The following DSE variants were observed in gnomAD, a reference collection of about 807,000 sequenced individuals.
DSE encodes the protein dermatan-sulfate epimerase.
DSE carries 36 observed loss-of-function variants against 84.4 expected under a neutral mutation model. The observed-to-expected ratio is 0.43, with a 90% CI of 0.33 to 0.56. The LOEUF (loss-of-function observed/expected upper bound fraction) is 0.56. Among genes scored for constraint, DSE ranks in the 20% least tolerant of loss-of-function variants. DSE has a pLI of 0.06. For missense variants in DSE, 862 were observed against 1,169.6 expected (o/e 0.74, Z 3.84); for synonymous variants, 410 against 430.1 (o/e 0.95, Z 0.58).
chr6:116,414,607 T>G (rs1782581738), intron 2 of DSE, among the ~76,000 whole-genome samples: 1 of 152,038 alleles, frequency 6.6e-6, no homozygotes, highest in Admixed American at 6.6e-5. Context: ...AGATGGGGTT[T>G]CTGCATGTTG....
intron 2 of DSE, among the ~76,000 whole-genome samples, chr6:116,404,151 A>G (rs1738915124): frequency 1.3e-5 from 2 of 152,194 alleles, no homozygotes; most frequent in Non-Finnish European, 2.9e-5. Flanking sequence ...ATGGGTTGCT[A>G]TGAGCTTAAC....
intron 2 of DSE, among the ~76,000 whole-genome samples, chr6:116,405,644 T>C (rs1781875703): frequency 6.6e-6 from 1 of 152,252 alleles, no homozygotes; most frequent in South Asian, 2.1e-4. Context: ...TGAGGCTTTT[T>C]ACAACGATCA....
chr6:116,332,830 C>G (rs1210582805), intron 2 of DSE, among the ~76,000 whole-genome samples: 1 of 151,982 alleles, frequency 6.6e-6, no homozygotes, highest in Non-Finnish European at 1.5e-5. Context: ...CAAAGTAAAT[C>G]AATATATAAA....
intron 2 of DSE, among the ~76,000 whole-genome samples, chr6:116,266,115 C>A (rs969057550): frequency 2.3e-4 from 35 of 152,278 alleles, no homozygotes; most frequent in African/African-American, 8.2e-4. Context: ...CCAGCTTTCT[C>A]CCCTTTTAAC....
intron 2 of DSE, among the ~76,000 whole-genome samples, chr6:116,325,118 G>A (rs73767742): frequency 0.035 from 3,172 of 90,400 alleles, 130 homozygotes; most frequent in African/African-American, 0.087. Context: ...CCCGAATCAT[G>A]TCTGGTGGCA....
At chr6:116,294,305 G>T (rs1468302489) in intron 2 of DSE, among the ~76,000 whole-genome samples, 2 of 152,192 alleles carry the variant, frequency 1.3e-5, no homozygotes, top group Non-Finnish European at 2.9e-5. Flanking sequence ...TTATAGGAGT[G>T]AGCCACTGTG....
At chr6:116,385,959 C>G (rs2114960350) in intron 1 of DSE, among the ~76,000 whole-genome samples, 1 of 152,222 alleles carries the variant, frequency 6.6e-6, no homozygotes, top group African/African-American at 2.4e-5. Context: ...CCAATATATA[C>G]AATTTTTATT....
At chr6:116,300,540 T>C (rs145487764) in intron 2 of DSE, among the ~76,000 whole-genome samples, 74 of 152,366 alleles carry the variant, frequency 4.9e-4, no homozygotes, top group African/African-American at 1.8e-3. Context: ...ATGTGCTTCA[T>C]GACATATATT....
chr6:116,345,206 C>G, intron 2 of DSE, among the ~76,000 whole-genome samples: 1 of 152,174 alleles, frequency 6.6e-6, no homozygotes, highest in Non-Finnish European at 1.5e-5. Context: ...TTCGACAGAT[C>G]AATGAGATAG....
intron 2 of DSE, among the ~76,000 whole-genome samples, chr6:116,360,335 G>A (rs9481632): frequency 0.067 from 10,259 of 152,136 alleles, 1,078 homozygotes; most frequent in African/African-American, 0.23. Context: ...ATGTACCCTG[G>A]AACTTAAAAT....
Position 116,370,960 on chromosome 6 carries a change from G to C in DSE, c.-215G>C. ...GGCCCGGCTCTCAGTAGCGTCGCCC[G>C]AGGCTGCAGCAGCGCATCCCGGGGC... On this transcript the variant is annotated 5_prime_UTR_variant, in exon 1 of 6. Transcript: ENST00000644252. The C allele has an allele frequency of 1.0e-6, 1 of 985,368 alleles. No homozygotes were observed. The highest frequency in any genetic ancestry group is 1.2e-6 in the Non-Finnish European group (1 of 829,990). 61.0% of individuals were successfully genotyped at this position (985,368 alleles called of 1,614,324 possible).
At chr6:116,273,303 T>C (rs1292335415) in intron 2 of DSE, among the ~76,000 whole-genome samples, 1 of 152,056 alleles carries the variant, frequency 6.6e-6, no homozygotes, top group African/African-American at 2.4e-5. Flanking sequence ...TAAATACAAA[T>C]CCTAAAAAAA....
upstream of DSE, chr6:116,369,953 T>G (rs1481012987): frequency 7.8e-7 from 1 of 1,289,110 alleles, no homozygotes; most frequent in Non-Finnish European, 1.0e-6. Flanking sequence ...ATCTTTCACT[T>G]CTGTACAATC....
intron 1 of DSE, among the ~76,000 whole-genome samples, chr6:116,393,792 T>A (rs772010703): frequency 6.6e-6 from 1 of 152,242 alleles, no homozygotes; most frequent in Non-Finnish European, 1.5e-5. Flanking sequence ...TTTTACTCTC[T>A]ACAGGGTGAT....
Position 116,431,210 on chromosome 6 carries a change from G to A in DSE, c.910+17G>A. The A allele has an allele frequency of 6.2e-7, 1 of 1,612,910 alleles. No homozygotes were observed. Reference sequence around the variant, plus strand: ...TCCTGCCAGGTATAGTGAGGAGTCAGAAGTGTGAAAACATTAAACTATTGT... The same window carrying A: ...TCCTGCCAGGTATAGTGAGGAGTCAAAAGTGTGAAAACATTAAACTATTGT... On this transcript the variant is annotated intron_variant, in intron 4 of 5. Coordinates refer to ENST00000644252, the MANE Select transcript of DSE (RefSeq NM_013352.4).
intron 2 of DSE, chr6:116,279,844 G>C: frequency 6.2e-7 from 1 of 1,613,008 alleles, no homozygotes. Context: ...GCTAACAGTC[G>C]GACCAACCGC....
intron 2 of DSE, among the ~76,000 whole-genome samples, chr6:116,312,137 T>A (rs1437859348): frequency 6.6e-6 from 1 of 151,996 alleles, no homozygotes; most frequent in Non-Finnish European, 1.5e-5. Flanking sequence ...AAGCTATGAT[T>A]TTGCAAAAGA....
chr6:116,352,366 TG>T (rs1468873542), intron 2 of DSE, among the ~76,000 whole-genome samples: 1 of 152,174 alleles, frequency 6.6e-6, no homozygotes, highest in Non-Finnish European at 1.5e-5. Context: ...TTTTTTCTCT[TG>T]ATCACAAGGG....
chr6:116,430,287 C>T (rs1035816631), intron 3 of DSE, among the ~76,000 whole-genome samples: 13 of 152,074 alleles, frequency 8.5e-5, no homozygotes, highest in African/African-American at 3.1e-4. Context: ...GAAGACTGTC[C>T]GTTTAGCGTT....
Sources: allele counts gnomAD v4.1 joint callset (sites outside exome capture counted in the v4.1 genomes callset), GRCh38; gene constraint gnomAD v4.1.1; transcripts MANE v1.5; gene names NCBI Gene and HGNC (gene_info 2026-07-23, HGNC 2026-07-21).